HMGCLL1: variants seen among roughly 807,000 people sequenced by gnomAD.
HMGCLL1 encodes the protein 3-hydroxy-3-methylglutaryl-CoA lyase like 1.
Under a neutral mutation model 39.1 loss-of-function variants are expected in HMGCLL1, and 36 were observed. The observed-to-expected ratio is 0.92, with a 90% CI of 0.71 to 1.22. HMGCLL1 has a LOEUF of 1.22. Ranked by LOEUF, HMGCLL1 falls within the 50% of genes most tolerant of loss-of-function variation. HMGCLL1 has a pLI of 0.00. For missense variants in HMGCLL1, 451 were observed against 416.5 expected (o/e 1.08, Z -0.72); for synonymous variants, 149 against 144.0 (o/e 1.03, Z -0.25).
At chr6:55,481,400 G>T (rs1256589089) in intron 7 of HMGCLL1, among the ~76,000 whole-genome samples, 1 of 151,910 alleles carries the variant, frequency 6.6e-6, no homozygotes, top group East Asian at 1.9e-4. Flanking sequence ...TAAAAGAGTA[G>T]AACTGGAACG....
intron 1 of HMGCLL1, among the ~76,000 whole-genome samples, chr6:55,572,288 T>C (rs979083770): frequency 6.6e-6 from 1 of 152,124 alleles, no homozygotes; most frequent in Non-Finnish European, 1.5e-5. Context: ...AACTTTATGC[T>C]AATAAAATGA....
In HMGCLL1 at chr6:55,457,265, A is replaced by T. The variant is rs1764365143; in HGVS notation, c.796-17706T>A. On this transcript the variant is annotated intron_variant, in intron 7 of 8. Coordinates refer to ENST00000274901, the MANE Select transcript of HMGCLL1 (RefSeq NM_001042406.2). ...CTGTCTATCCTCTTCTAAGTATTTT[A>T]GTTCTGTCCTTATGCCAATTTCACC... Among the ~76,000 whole-genome samples, 2 of 152,188 alleles carry T rather than the reference A, an allele frequency of 1.3e-5. 1 individual carries two copies. The highest frequency in any genetic ancestry group is 4.1e-4 in the South Asian group (2 of 4,834).
the HMGCLL1 span, among the ~76,000 whole-genome samples, chr6:55,650,516 T>C: frequency 1.3e-5 from 2 of 151,864 alleles, no homozygotes; most frequent in Non-Finnish European, 2.9e-5. Flanking sequence ...ACTCAGGATG[T>C]GATGATGCAA....
chr6:55,535,475 G>T (rs1193702066), intron 3 of HMGCLL1, among the ~76,000 whole-genome samples: 1 of 152,178 alleles, frequency 6.6e-6, no homozygotes, highest in African/African-American at 2.4e-5. Flanking sequence ...CATCAATTAA[G>T]TGAGAGTTGG....
At position 55,477,401 on chromosome 6, in the gene HMGCLL1, TTATCTA is replaced by T. The variant is rs1561905284; in HGVS notation, c.795+18012_795+18017del. Among the ~76,000 whole-genome samples the T allele has an allele frequency of 1.1e-4, 4 of 37,834 alleles. 1 individual carries two copies. The highest frequency in any genetic ancestry group is 1.4e-4 in the African/African-American group (1 of 6,980). 24.8% of individuals were successfully genotyped at this position (37,834 alleles called of 152,430 possible). On this transcript the variant is annotated intron_variant, in intron 7 of 8. Transcript: ENST00000274901. Reference sequence around the variant, plus strand: ...ATATATTATCTAAATATAATATATATTATCTAAATATATATTATCTTAATATATATT... The same window carrying T: ...ATATATTATCTAAATATAATATATATAATATATATTATCTTAATATATATT...
chr6:55,528,615 G>A (rs1373079104), intron 3 of HMGCLL1, among the ~76,000 whole-genome samples: 1 of 146,270 alleles, frequency 6.8e-6, no homozygotes, highest in African/African-American at 2.5e-5. Context: ...ATAAACACAG[G>A]AAATCTCTGG....
intron 1 of HMGCLL1, among the ~76,000 whole-genome samples, chr6:55,547,443 G>C (rs1770048981): frequency 6.6e-6 from 1 of 151,916 alleles, no homozygotes; most frequent in African/African-American, 2.4e-5. Flanking sequence ...CACCCTACAA[G>C]TACTGCTTTT....
chr6:55,643,789 T>C, the HMGCLL1 span, among the ~76,000 whole-genome samples: 2 of 152,072 alleles, frequency 1.3e-5, no homozygotes, highest in African/African-American at 2.4e-5. Flanking sequence ...TGACAGAATC[T>C]GCCTCTTTCT....
chr6:55,539,714 G>A (rs111908432), intron 3 of HMGCLL1, among the ~76,000 whole-genome samples: 19 of 151,406 alleles, frequency 1.3e-4, no homozygotes, highest in African/African-American at 4.1e-4. Flanking sequence ...AGTTGAGGGG[G>A]GGAGGAGGAG....
At chr6:55,600,090 A>T in the HMGCLL1 span, among the ~76,000 whole-genome samples, 3 of 152,290 alleles carry the variant, frequency 2.0e-5, no homozygotes, top group African/African-American at 7.2e-5. Context: ...ATTCTCTCAC[A>T]TTCAAACCCT....
At chr6:55,470,705 A>T (rs1054560324) in intron 7 of HMGCLL1, among the ~76,000 whole-genome samples, 1 of 151,810 alleles carries the variant, frequency 6.6e-6, no homozygotes, top group African/African-American at 2.4e-5. Flanking sequence ...AGACAGGGTA[A>T]TTCATAAAGG....
the HMGCLL1 span, among the ~76,000 whole-genome samples, chr6:55,596,669 T>C: frequency 2.6e-5 from 4 of 152,346 alleles, no homozygotes; most frequent in South Asian, 2.1e-4. Context: ...CATCATAGAT[T>C]AGCAGTTTAA....
chr6:55,594,002 G>T, the HMGCLL1 span, among the ~76,000 whole-genome samples: 1 of 152,098 alleles, frequency 6.6e-6, no homozygotes. Flanking sequence ...CTAAAGAAGA[G>T]AAATTATCAC....
the HMGCLL1 span, among the ~76,000 whole-genome samples, chr6:55,655,359 T>C: frequency 6.6e-6 from 1 of 151,698 alleles, no homozygotes; most frequent in Non-Finnish European, 1.5e-5. Context: ...GTTACAATTA[T>C]ACAGAACTCC....
At chr6:55,504,697 C>T (rs1767064531) in intron 5 of HMGCLL1, among the ~76,000 whole-genome samples, 1 of 151,206 alleles carries the variant, frequency 6.6e-6, no homozygotes, top group Non-Finnish European at 1.5e-5. Flanking sequence ...ATTTTTGATT[C>T]ATAGTTGGTT....
intron 1 of HMGCLL1, among the ~76,000 whole-genome samples, chr6:55,565,707 T>C (rs1771178881): frequency 1.3e-5 from 2 of 152,110 alleles, no homozygotes; most frequent in Non-Finnish European, 2.9e-5. Flanking sequence ...CTTTTTTAGC[T>C]CAAGTTTTCC....
the HMGCLL1 span, among the ~76,000 whole-genome samples, chr6:55,644,636 A>G: frequency 6.6e-6 from 1 of 151,974 alleles, no homozygotes; most frequent in Non-Finnish European, 1.5e-5. Context: ...TTTTTCCATC[A>G]TTGTTTATCG....
At chr6:55,637,714 A>ATGTGTGTGTG in the HMGCLL1 span, among the ~76,000 whole-genome samples, 7,273 of 148,592 alleles carry the variant, frequency 0.049, 191 homozygotes, top group African/African-American at 0.074. Flanking sequence ...ATAATTTGAT[A>ATGTGTGTGTG]TGTGTGTGTG....
At chr6:55,657,337 T>C in the HMGCLL1 span, among the ~76,000 whole-genome samples, 2 of 151,954 alleles carry the variant, frequency 1.3e-5, no homozygotes, top group Admixed American at 1.3e-4. Context: ...GTTTTGAGTT[T>C]TACATTTAAT....
Sources: gnomAD v4.1 joint callset for allele counts (sites outside exome capture counted in the v4.1 genomes callset) on GRCh38, gnomAD v4.1.1 for gene constraint, MANE v1.5 for transcripts, NCBI Gene and HGNC (gene_info 2026-07-23, HGNC 2026-07-21) for gene names.